The following FOXK2 variants were observed in gnomAD, a reference collection of about 807,000 sequenced individuals.
FOXK2 encodes the protein forkhead box K2, also known as forkhead box protein K2.
Under a neutral mutation model 53.3 loss-of-function variants are expected in FOXK2, and 24 were observed. The observed-to-expected ratio is 0.45, with a 90% CI of 0.33 to 0.63. FOXK2 has a LOEUF of 0.63. FOXK2 is among the 30% of genes least tolerant of loss of function. The probability of loss-of-function intolerance (pLI) is 0.03; values close to 1 mark genes in which losing one functional copy is unlikely to be tolerated. For missense variants in FOXK2, 952 were observed against 910.5 expected (o/e 1.05, Z -0.59); for synonymous variants, 505 against 407.1 (o/e 1.24, Z -2.89).
chr17:82,583,377 T>C (rs2045088323), intron 5 of FOXK2, among the ~76,000 whole-genome samples: 1 of 152,124 alleles, frequency 6.6e-6, no homozygotes, highest in Non-Finnish European at 1.5e-5. Flanking sequence ...AAACCCCGTC[T>C]CTACTAAAAA....
intron 1 of FOXK2, among the ~76,000 whole-genome samples, chr17:82,542,840 G>A (rs1204505954): frequency 1.3e-5 from 2 of 152,080 alleles, no homozygotes; most frequent in Non-Finnish European, 2.9e-5. Context: ...AACATAGTAG[G>A]ACCCTGTCTG....
chr17:82,585,427 C>T lies in FOXK2; in HGVS notation c.1280-477C>T, dbSNP rs968107899. ...GCAGTCTCCACCTTCCAGGCTCAAG[C>T]AATCCGCCCTCCTCAGTCTCCTAAA... On this transcript the variant is annotated intron_variant, in intron 6 of 8. Coordinates refer to ENST00000335255, the MANE Select transcript of FOXK2 (RefSeq NM_004514.4). Among the ~76,000 whole-genome samples, 4 of 152,028 alleles carry T rather than the reference C, an allele frequency of 2.6e-5. No homozygotes were observed. The East Asian group carries it at 7.7e-4, about 29-fold the overall frequency.
chr17:82,546,204 CCT>C (rs1407881008), intron 1 of FOXK2, among the ~76,000 whole-genome samples: 2 of 150,232 alleles, frequency 1.3e-5, no homozygotes, highest in African/African-American at 4.9e-5. Flanking sequence ...GCAACCTCCG[CCT>C]CCTGGGTTCA....
chr17:82,544,214 A>T (rs986063180), intron 1 of FOXK2, among the ~76,000 whole-genome samples: 1 of 152,214 alleles, frequency 6.6e-6, no homozygotes, highest in African/African-American at 2.4e-5. Context: ...CGCCCGGCCA[A>T]GCTTTTACTT....
intron 1 of FOXK2, among the ~76,000 whole-genome samples, chr17:82,538,487 A>G (rs1457716158): frequency 4.6e-5 from 7 of 152,342 alleles, no homozygotes; most frequent in East Asian, 1.9e-4. Flanking sequence ...CCTGTCTCCA[A>G]TTAAAACAAC....
chr17:82,531,430 G>A (rs571168615), intron 1 of FOXK2, among the ~76,000 whole-genome samples: 10 of 152,248 alleles, frequency 6.6e-5, no homozygotes, highest in African/African-American at 2.2e-4. Flanking sequence ...GCCTTGTACA[G>A]TCATGCATCA....
At chr17:82,547,580 T>C (rs182701040) in intron 1 of FOXK2, among the ~76,000 whole-genome samples, 8 of 152,322 alleles carry the variant, frequency 5.3e-5, no homozygotes, top group South Asian at 2.1e-4. Flanking sequence ...GTAATATAAT[T>C]TATACATATA....
Position 82,571,587 on chromosome 17 carries a change from C to T in FOXK2, c.763-137C>T, listed in dbSNP as rs3794724. ...CTGTACTCCAGCCTGGGCGACACAGCGAGACTCTGTCTCAAAAAAAAGACA... is the reference window on the plus strand; with the variant it reads ...CTGTACTCCAGCCTGGGCGACACAGTGAGACTCTGTCTCAAAAAAAAGACA... On this transcript the variant is annotated intron_variant, in intron 3 of 8. Coordinates refer to ENST00000335255, the MANE Select transcript of FOXK2 (RefSeq NM_004514.4). The T allele has an allele frequency of 3.0e-5, 27 of 905,028 alleles. No homozygotes were observed. In the East Asian group the frequency reaches 3.3e-4, roughly 11 times the overall value. 56.1% of individuals were successfully genotyped at this position (905,028 alleles called of 1,614,324 possible). A position where few individuals can be genotyped will look rare whatever the true frequency, so the allele number is the denominator to read the frequency against.
At chr17:82,533,816 C>G (rs2044495268) in intron 1 of FOXK2, among the ~76,000 whole-genome samples, 2 of 151,524 alleles carry the variant, frequency 1.3e-5, no homozygotes, top group Non-Finnish European at 2.9e-5. Flanking sequence ...TGGTGACGCA[C>G]AGCTGTAGGT....
rs181848781 is a variant in FOXK2, at chr17:82,574,430, C to G, written c.909+2560C>G. 3.8e-3 allele frequency among the ~76,000 whole-genome samples: 580 copies of G among 152,004 alleles called. 10 individuals carry two copies. Among genetic ancestry groups the G allele is most frequent in the Admixed American group, 0.034 (513 of 15,268 alleles). ...CCGCCTCCCAGGTTCAAGCGATTCT[C>G]CTGCCTCAGCCTCATGAGTAGCTGG... On this transcript the variant is annotated intron_variant, in intron 4 of 8. Transcript: ENST00000335255.
chr17:82,555,781 G>A (rs1002136507), intron 1 of FOXK2, among the ~76,000 whole-genome samples: 11 of 149,480 alleles, frequency 7.4e-5, no homozygotes, highest in African/African-American at 2.5e-4. Context: ...CCAGCTACTC[G>A]GGAGGCTGAG....
chr17:82,586,684 C>G (rs910996462), intron 7 of FOXK2, among the ~76,000 whole-genome samples: 1 of 151,950 alleles, frequency 6.6e-6, no homozygotes, highest in Non-Finnish European at 1.5e-5. Context: ...GTCGGATCAC[C>G]TGAGGTTAGG....
intron 1 of FOXK2, among the ~76,000 whole-genome samples, chr17:82,525,615 T>C (rs2044409865): frequency 6.6e-6 from 1 of 152,208 alleles, no homozygotes; most frequent in Non-Finnish European, 1.5e-5. Flanking sequence ...AAACTAAGTA[T>C]AATTTATGAA....
At chr17:82,553,140 T>G (rs1300737829) in intron 1 of FOXK2, among the ~76,000 whole-genome samples, 2 of 152,226 alleles carry the variant, frequency 1.3e-5, no homozygotes, top group Non-Finnish European at 2.9e-5. Context: ...TTCACTATGT[T>G]GGCCAGGCTG....
chr17:82,556,764 T>G (rs1183219477), intron 1 of FOXK2, among the ~76,000 whole-genome samples: 1 of 152,048 alleles, frequency 6.6e-6, no homozygotes, highest in Non-Finnish European at 1.5e-5. Flanking sequence ...TGGCAGGATC[T>G]TGGTTCACTG....
At chr17:82,535,287 C>A (rs781253198) in intron 1 of FOXK2, among the ~76,000 whole-genome samples, 34 of 152,210 alleles carry the variant, frequency 2.2e-4, no homozygotes, top group Non-Finnish European at 4.9e-4. Flanking sequence ...GCTTTCAACA[C>A]TGATTAAAAT....
chr17:82,571,555 C>T (rs953257005), intron 3 of FOXK2, among the ~76,000 whole-genome samples, 169 bp from the exon 4 acceptor site: 3 of 151,920 alleles, frequency 2.0e-5, no homozygotes, highest in African/African-American at 2.4e-5. Flanking sequence ...GAGCCAAGAT[C>T]GCGTCACTGT....
intron 1 of FOXK2, chr17:82,559,607 G>T: frequency 2.4e-6 from 1 of 409,678 alleles, no homozygotes; most frequent in South Asian, 1.8e-5. Context: ...CTGGAACCTC[G>T]TGCCAGGCTG....
Position 82,520,056 on chromosome 17 carries a change from C to T in FOXK2, c.168C>T (p.Ile56=). The change falls in exon 1 of 9, where the codon ATC becomes ATT. Residue 56 remains isoleucine (I), a synonymous_variant. Transcript: ENST00000335255. ...TGATGAAGAAGCGCTCGGTGACCAT[C>T]GGCCGCAACTCGTCGCAGGGCTCGG... The part of the protein sequence containing the change: ...EYLMKKRSVT[I]GRNSSQGSVD... 6.5e-7 allele frequency: 1 copy of T among 1,538,280 alleles called. No homozygotes were observed. The highest frequency in any genetic ancestry group is 1.2e-5 in the South Asian group (1 of 85,282).
Sources: allele counts gnomAD v4.1 joint callset (sites outside exome capture counted in the v4.1 genomes callset), GRCh38; gene constraint gnomAD v4.1.1; transcripts MANE v1.5; gene names NCBI Gene and HGNC (gene_info 2026-07-23, HGNC 2026-07-21).